NCAM2: variants seen among roughly 807,000 people sequenced by gnomAD.
NCAM2 encodes the protein neural cell adhesion molecule 2, also known as N-CAM-2.
In NCAM2, 30 loss-of-function variants were observed where a neutral mutation model predicts 98.1. The ratio of observed to expected loss-of-function variants is 0.31; its 90% CI spans 0.23 to 0.41. The LOEUF (loss-of-function observed/expected upper bound fraction) is 0.41. NCAM2 is among the 10% of genes least tolerant of loss of function. The pLI is 1.00. For missense variants in NCAM2, 867 were observed against 1,005.8 expected, an observed-to-expected ratio of 0.86 and a Z score of 1.87; for synonymous variants, 368 against 342.4, an observed-to-expected ratio of 1.07 and a Z score of -0.83.
intron 16 of NCAM2, among the ~76,000 whole-genome samples, chr21:21,509,640 T>A (rs1479061539): frequency 6.6e-6 from 1 of 152,156 alleles, no homozygotes; most frequent in Non-Finnish European, 1.5e-5. Flanking sequence ...GTAGTTCTAT[T>A]TAGTTAAGCA....
At chr21:21,155,125 A>G (rs1399433365) in intron 1 of NCAM2, among the ~76,000 whole-genome samples, 1 of 151,586 alleles carries the variant, frequency 6.6e-6, no homozygotes, top group Non-Finnish European at 1.5e-5. Context: ...AACCAAAATA[A>G]CAGACAGAGA....
intron 1 of NCAM2, among the ~76,000 whole-genome samples, chr21:21,211,327 A>G (rs1405796662): frequency 1.3e-5 from 2 of 152,130 alleles, no homozygotes; most frequent in East Asian, 1.9e-4. Flanking sequence ...AGGAATTGTG[A>G]TACTTCATTT....
chr21:21,426,298 T>C (rs2077213081), intron 11 of NCAM2, among the ~76,000 whole-genome samples: 2 of 152,164 alleles, frequency 1.3e-5, no homozygotes, highest in Admixed American at 1.3e-4. Context: ...TATCTCAGCA[T>C]AGAAGTCCTT....
chr21:21,365,949 A>G (rs1405228013), intron 8 of NCAM2, among the ~76,000 whole-genome samples: 1 of 138,244 alleles, frequency 7.2e-6, no homozygotes, highest in Non-Finnish European at 1.6e-5. Context: ...AGTTCTTTGA[A>G]AAAGCTTTGT....
At chr21:21,388,781 A>G (rs1425166118) in intron 9 of NCAM2, among the ~76,000 whole-genome samples, 4 of 152,234 alleles carry the variant, frequency 2.6e-5, no homozygotes, top group Admixed American at 2.0e-4. Flanking sequence ...ATCTAAATGC[A>G]GAAGAGGCTT....
At chr21:21,004,313 T>C (rs937580894) in intron 1 of NCAM2, among the ~76,000 whole-genome samples, 2 of 152,218 alleles carry the variant, frequency 1.3e-5, no homozygotes, top group African/African-American at 4.8e-5. Flanking sequence ...CGAAGTGCTT[T>C]CAGTCACCTT....
chr21:21,097,131 A>G (rs1404297079), intron 1 of NCAM2, among the ~76,000 whole-genome samples: 1 of 151,762 alleles, frequency 6.6e-6, no homozygotes, highest in Non-Finnish European at 1.5e-5. Context: ...ACTGGGAAAC[A>G]AAGAGGTAAG....
At chr21:21,334,566 A>G (rs2074806247) in intron 6 of NCAM2, among the ~76,000 whole-genome samples, 1 of 152,110 alleles carries the variant, frequency 6.6e-6, no homozygotes, top group Non-Finnish European at 1.5e-5. Flanking sequence ...AGAACTTTCC[A>G]TTAGTGGTTT....
chr21:21,222,430 C>G (rs2070207345), intron 1 of NCAM2, among the ~76,000 whole-genome samples: 1 of 152,122 alleles, frequency 6.6e-6, no homozygotes, highest in African/African-American at 2.4e-5. Context: ...ACTCTACATG[C>G]CATTAAGAAT....
At chr21:21,506,959 A>G (rs1988017642) in intron 15 of NCAM2, among the ~76,000 whole-genome samples, 1 of 152,140 alleles carries the variant, frequency 6.6e-6, no homozygotes, top group East Asian at 1.9e-4. Flanking sequence ...TATCATGATG[A>G]CATTGTAGAA....
At position 21,493,867 on chromosome 21, in the gene NCAM2, G is replaced by A. The variant is rs540057652; in HGVS notation, c.2078-14984G>A. ...AGCAACATGCATTCAAGGTTTCTAC[G>A]TGTCTTTTTATAATTTGATAGCTGG... On this transcript the variant is annotated intron_variant, in intron 15 of 17. Transcript: ENST00000400546. Among the ~76,000 whole-genome samples, 208 of 151,986 alleles carry A rather than the reference G, an allele frequency of 1.4e-3. 1 individual carries two copies. Among genetic ancestry groups the A allele is most frequent in the African/African-American group, 4.8e-3 (201 of 41,516 alleles).
At chr21:21,445,011 C>G (rs910945863) in intron 12 of NCAM2, among the ~76,000 whole-genome samples, 4 of 152,138 alleles carry the variant, frequency 2.6e-5, no homozygotes, top group Non-Finnish European at 5.9e-5. Context: ...TAGCTGTGTC[C>G]TAGAGATTCT....
intron 8 of NCAM2, among the ~76,000 whole-genome samples, chr21:21,364,035 G>A (rs2075722525): frequency 6.6e-6 from 1 of 151,914 alleles, no homozygotes; most frequent in Non-Finnish European, 1.5e-5. Flanking sequence ...TTTACACTAA[G>A]ACAACAAAAA....
chr21:21,244,550 G>A (rs905252030), intron 1 of NCAM2, among the ~76,000 whole-genome samples: 4 of 151,866 alleles, frequency 2.6e-5, no homozygotes, highest in Non-Finnish European at 4.4e-5. Flanking sequence ...TTATATATAG[G>A]CCACAGTTAA....
intron 8 of NCAM2, among the ~76,000 whole-genome samples, chr21:21,353,765 A>G (rs1602079118): frequency 6.6e-6 from 1 of 152,096 alleles, no homozygotes; most frequent in East Asian, 1.9e-4. Context: ...CACATTTTAT[A>G]GCAGTATATA....
intron 5 of NCAM2, among the ~76,000 whole-genome samples, chr21:21,295,636 C>T (rs777918785): frequency 4.6e-5 from 7 of 151,762 alleles, no homozygotes; most frequent in Non-Finnish European, 8.8e-5. Context: ...ATGAAAAGAG[C>T]ATGACCCAAA....
At chr21:21,195,780 C>T (rs1182041102) in intron 1 of NCAM2, among the ~76,000 whole-genome samples, 1 of 152,152 alleles carries the variant, frequency 6.6e-6, no homozygotes, top group Non-Finnish European at 1.5e-5. Context: ...GTAATGCACA[C>T]TCCAAAGTGT....
At chr21:21,495,985 T>C (rs1987202561) in intron 15 of NCAM2, among the ~76,000 whole-genome samples, 1 of 146,006 alleles carries the variant, frequency 6.8e-6, no homozygotes, top group Non-Finnish European at 1.5e-5. Context: ...CCAGTGTATG[T>C]GTGTGTGTAT....
chr21:21,469,885 T>G (rs1231983937), intron 14 of NCAM2, among the ~76,000 whole-genome samples: 1 of 152,042 alleles, frequency 6.6e-6, no homozygotes, highest in Non-Finnish European at 1.5e-5. Context: ...CATTTGCACA[T>G]TTGTAAACAC....
Sources: gnomAD v4.1 joint callset for allele counts (sites outside exome capture counted in the v4.1 genomes callset) on GRCh38, gnomAD v4.1.1 for gene constraint, MANE v1.5 for transcripts, NCBI Gene and HGNC (gene_info 2026-07-23, HGNC 2026-07-21) for gene names.